The following SGCD variants were observed in gnomAD, a reference collection of about 807,000 sequenced individuals.
The protein encoded by SGCD is sarcoglycan delta, also known as delta-sarcoglycan.
Under a neutral mutation model 36.6 loss-of-function variants are expected in SGCD, and 18 were observed. The ratio of observed to expected loss-of-function variants is 0.49; its 90% confidence interval spans 0.34 to 0.73. The LOEUF (loss-of-function observed/expected upper bound fraction) is 0.73. SGCD is among the 30% of genes least tolerant of loss of function. The pLI is 0.01. For synonymous variants in SGCD, 133 were observed against 130.6 expected (o/e 1.02, Z -0.12); for missense variants, 387 against 346.7 (o/e 1.12, Z -0.92).
At chr5:156,564,701 A>G (rs932301063) in intron 4 of SGCD, among the ~76,000 whole-genome samples, 14 of 151,950 alleles carry the variant, frequency 9.2e-5, no homozygotes, top group Non-Finnish European at 2.1e-4. Context: ...TATTTCTATG[A>G]ATGTGACCAT....
intron 3 of SGCD, among the ~76,000 whole-genome samples, chr5:156,415,815 G>A (rs1189883297): frequency 3.9e-5 from 6 of 152,024 alleles, no homozygotes; most frequent in African/African-American, 1.5e-4. Context: ...TTCAAATAGG[G>A]GTTAAATAGG....
In SGCD at chr5:156,302,955, C is replaced by A. The variant is rs573395985; in HGVS notation, c.-43-26579C>A. Among the ~76,000 whole-genome samples, 41 of 152,304 alleles carry A rather than the reference C, an allele frequency of 2.7e-4. No individual in the cohort carries two copies. The South Asian group carries it at 8.1e-3, about 30-fold the overall frequency. On this transcript the variant is annotated intron_variant, in intron 3 of 9. Coordinates refer to the SGCD transcript ENST00000517913. Reference sequence around the variant, plus strand: ...AGTACTAGGTCTTACCCAAAGCCTGCAGCAACCACTGCCTATCTACCACAG... The same window carrying A: ...AGTACTAGGTCTTACCCAAAGCCTGAAGCAACCACTGCCTATCTACCACAG...
At chr5:155,753,241 G>C in the SGCD span, among the ~76,000 whole-genome samples, 1 of 151,980 alleles carries the variant, frequency 6.6e-6, no homozygotes, top group African/African-American at 2.4e-5. Context: ...GGAGGCTGAG[G>C]CAGGAGAATC....
At chr5:156,347,537 G>C (rs1484155284) in intron 3 of SGCD, among the ~76,000 whole-genome samples, 1 of 152,068 alleles carries the variant, frequency 6.6e-6, no homozygotes, top group Non-Finnish European at 1.5e-5. Flanking sequence ...ATGGCTGGGT[G>C]GTGGGTCCTA....
At chr5:156,099,857 C>A (rs1392683220) in intron 1 of SGCD, among the ~76,000 whole-genome samples, 3 of 152,006 alleles carry the variant, frequency 2.0e-5, no homozygotes, top group Non-Finnish European at 2.9e-5. Context: ...ATTTGTCATG[C>A]AGAAACAGAT....
In SGCD at chr5:156,178,855, C is replaced by T. The variant is rs547324274; in HGVS notation, c.-44+54836C>T. On this transcript the variant is annotated intron_variant, in intron 3 of 9. Coordinates refer to the SGCD transcript ENST00000517913. ...TGCTGGGATTACAGGTGTGAGCCAC[C>T]GCGCCCAGCCTGAATGTATTAATGA... Among the ~76,000 whole-genome samples the T allele has an allele frequency of 3.5e-4, 53 of 152,242 alleles. No homozygotes were observed. In the South Asian group the frequency reaches 5.8e-3, roughly 17 times the overall value.
chr5:156,307,555 G>GTTGTTTTTTTTTTTTTT (rs1188757705), intron 3 of SGCD, among the ~76,000 whole-genome samples: 3 of 41,156 alleles, frequency 7.3e-5, no homozygotes, highest in Non-Finnish European at 9.7e-5. Context: ...TTTAACTGTT[G>GTTGTTTTTTTTTTTTTT]TTTTTTTTTT....
At chr5:156,670,317 A>G (rs541893835) in intron 7 of SGCD, among the ~76,000 whole-genome samples, 64 of 152,090 alleles carry the variant, frequency 4.2e-4, no homozygotes, top group Non-Finnish European at 8.4e-4. Context: ...AGTTGTGGCC[A>G]TTTTCTTCCT....
intron 7 of SGCD, among the ~76,000 whole-genome samples, chr5:156,735,924 T>A (rs997045043): frequency 6.6e-6 from 1 of 152,186 alleles, no homozygotes; most frequent in Non-Finnish European, 1.5e-5. Context: ...TGTGTCAGAC[T>A]GAAGGCCCTG....
At chr5:155,887,293 T>A (rs1756027150) in intron 1 of SGCD, among the ~76,000 whole-genome samples, 1 of 152,244 alleles carries the variant, frequency 6.6e-6, no homozygotes, top group Non-Finnish European at 1.5e-5. Context: ...TCTTTATGAT[T>A]TGCTGTCTTG....
Position 156,043,323 on chromosome 5 carries a change from C to A in SGCD, c.-281-74555C>A, listed in dbSNP as rs78565896. 2.7e-3 allele frequency among the ~76,000 whole-genome samples: 418 copies of A among 152,276 alleles called. 1 individual carries two copies. The highest frequency in any genetic ancestry group is 9.7e-3 in the African/African-American group (405 of 41,560). ...ATGGCACCTGCCTCTAACTAAGAGA[C>A]ACACATCAAGATCCAACAATTTCAC... On this transcript the variant is annotated intron_variant, in intron 1 of 9. Coordinates refer to the SGCD transcript ENST00000517913.
At chr5:156,070,287 T>G (rs1003617597) in intron 1 of SGCD, among the ~76,000 whole-genome samples, 9 of 152,108 alleles carry the variant, frequency 5.9e-5, no homozygotes, top group African/African-American at 2.2e-4. Flanking sequence ...TAGCTCTCAT[T>G]ATTTTGAGAT....
intron 3 of SGCD, among the ~76,000 whole-genome samples, chr5:156,507,602 T>C (rs373786698): frequency 1.3e-5 from 2 of 152,218 alleles, no homozygotes; most frequent in East Asian, 1.9e-4. Context: ...TGATCAAGCC[T>C]CTTGATGTAA....
At chr5:156,149,348 TTATTCATTCTTTCTAAC>T (rs1385404549) in intron 3 of SGCD, among the ~76,000 whole-genome samples, 1 of 152,234 alleles carries the variant, frequency 6.6e-6, no homozygotes, top group Admixed American at 6.5e-5. Context: ...ATACTGGCTG[TTATTCATTCTTTCTAAC>T]AATTTGATTT....
At chr5:156,336,435 T>A (rs1216577248) in intron 2 of SGCD, among the ~76,000 whole-genome samples, 2 of 152,200 alleles carry the variant, frequency 1.3e-5, no homozygotes, top group African/African-American at 4.8e-5. Flanking sequence ...TTCATTATGA[T>A]AGGTAACAAA....
intron 4 of SGCD, among the ~76,000 whole-genome samples, chr5:156,515,273 ACT>A (rs1757109100): frequency 6.6e-6 from 1 of 152,156 alleles, no homozygotes; most frequent in African/African-American, 2.4e-5. Flanking sequence ...ATGTTTATAC[ACT>A]CTGATTCAGT....
At chr5:156,391,911 T>A (rs1771592656) in intron 3 of SGCD, among the ~76,000 whole-genome samples, 1 of 152,244 alleles carries the variant, frequency 6.6e-6, no homozygotes, top group Non-Finnish European at 1.5e-5. Flanking sequence ...TGTGATTTCA[T>A]GAGAAGTTGT....
intron 1 of SGCD, among the ~76,000 whole-genome samples, chr5:155,919,131 CTA>C (rs1318453598): frequency 2.0e-5 from 3 of 152,172 alleles, no homozygotes; most frequent in Non-Finnish European, 2.9e-5. Flanking sequence ...ATCGAGAAAA[CTA>C]AAAATAACAT....
At chr5:156,467,575 A>C (rs917416209) in intron 3 of SGCD, among the ~76,000 whole-genome samples, 2 of 152,270 alleles carry the variant, frequency 1.3e-5, no homozygotes, top group Non-Finnish European at 1.5e-5. Context: ...GAGATGGAGC[A>C]TGATGACATA....
Sources: allele counts gnomAD v4.1 joint callset (sites outside exome capture counted in the v4.1 genomes callset), GRCh38; gene constraint gnomAD v4.1.1; transcripts MANE v1.5; gene names NCBI Gene and HGNC (gene_info 2026-07-23, HGNC 2026-07-21).